Variants in SYNPR observed in about 807,000 individuals in gnomAD.
The protein encoded by SYNPR is synaptoporin.
Under a neutral mutation model 32.9 loss-of-function variants are expected in SYNPR, and 23 were observed. That is an observed-to-expected ratio of 0.70 (90% CI 0.50 to 0.99). The LOEUF (loss-of-function observed/expected upper bound fraction) is 0.99. Among genes scored for constraint, SYNPR ranks in the 50% least tolerant of loss-of-function variants. SYNPR has a pLI of 0.00. For synonymous variants in SYNPR, 146 were observed against 135.9 expected (o/e 1.07, Z -0.52); for missense variants, 318 against 349.3 (o/e 0.91, Z 0.71).
chr3:63,443,446 A>C, intron 2 of SYNPR: 1 of 1,607,400 alleles, frequency 6.2e-7, no homozygotes, highest in Non-Finnish European at 8.5e-7. Context: ...TCTTTTGTAA[A>C]TGTGTATGGT....
chr3:63,284,551 C>T (rs73117577), intron 2 of SYNPR, among the ~76,000 whole-genome samples: 7,233 of 152,258 alleles, frequency 0.048, 239 homozygotes, highest in Middle Eastern at 0.095. Flanking sequence ...CTAACCAAGG[C>T]GGCCAGTGAA....
chr3:63,331,329 C>T (rs1445560452), intron 2 of SYNPR, among the ~76,000 whole-genome samples: 1 of 152,134 alleles, frequency 6.6e-6, no homozygotes, highest in African/African-American at 2.4e-5. Flanking sequence ...AAGGCAGCCA[C>T]AAATAAATGC....
intron 2 of SYNPR, chr3:63,330,277 T>C (rs1208253492): frequency 1.3e-5 from 2 of 152,188 alleles, no homozygotes; most frequent in Non-Finnish European, 2.9e-5. Flanking sequence ...AGGACAGACC[T>C]CTACATGTGA....
At chr3:63,575,918 T>A (rs1022286570) in intron 4 of SYNPR, among the ~76,000 whole-genome samples, 1 of 152,220 alleles carries the variant, frequency 6.6e-6, no homozygotes, top group Non-Finnish European at 1.5e-5. Context: ...CTAAACCAAC[T>A]GTTTATAATC....
At chr3:63,410,583 G>A (rs1172479273) in intron 2 of SYNPR, among the ~76,000 whole-genome samples, 2 of 152,128 alleles carry the variant, frequency 1.3e-5, no homozygotes, top group Non-Finnish European at 2.9e-5. Context: ...TTTCCCTCAT[G>A]TTTGTGTCTG....
intron 2 of SYNPR, among the ~76,000 whole-genome samples, chr3:63,340,670 C>A (rs1397868303): frequency 6.6e-6 from 1 of 152,070 alleles, no homozygotes; most frequent in African/African-American, 2.4e-5. Context: ...CTGCCCGCCT[C>A]GGCCTCCCAA....
chr3:63,201,483 T>G, the SYNPR span, among the ~76,000 whole-genome samples: 1 of 152,138 alleles, frequency 6.6e-6, no homozygotes, highest in Non-Finnish European at 1.5e-5. Flanking sequence ...CTTCCATAAA[T>G]GCATTAATAA....
rs569407419 is a variant in SYNPR at position 63,458,862 on chromosome 3, T to G, written c.85-21970T>G. 3.9e-5 allele frequency among the ~76,000 whole-genome samples: 6 copies of G among 152,186 alleles called. No homozygotes were observed. In the East Asian group the frequency reaches 9.7e-4, roughly 25 times the overall value. Reference sequence around the variant, plus strand: ...TGTCTCTCTTTCCTTGTAACCTATTTCTGTCAGTAAAAAGTGTCATTTTCC... The same window carrying G: ...TGTCTCTCTTTCCTTGTAACCTATTGCTGTCAGTAAAAAGTGTCATTTTCC... On this transcript the variant is annotated intron_variant, in intron 2 of 5. Transcript: ENST00000478300.
chr3:63,352,310 G>A (rs897502349), intron 2 of SYNPR, among the ~76,000 whole-genome samples: 4 of 152,114 alleles, frequency 2.6e-5, no homozygotes, highest in Non-Finnish European at 5.9e-5. Flanking sequence ...TTCTCGAAGT[G>A]AATAAAAGAA....
chr3:63,602,613 C>T (rs1398208336), intron 4 of SYNPR, among the ~76,000 whole-genome samples: 1 of 152,142 alleles, frequency 6.6e-6, no homozygotes, highest in Non-Finnish European at 1.5e-5. Flanking sequence ...GTTCTTTCCT[C>T]ATTCCTTGCT....
intron 4 of SYNPR, among the ~76,000 whole-genome samples, chr3:63,585,474 CCA>C (rs1294208248): frequency 1.3e-5 from 2 of 150,722 alleles, no homozygotes; most frequent in Non-Finnish European, 3.0e-5. Context: ...CCCGCACCCA[CCA>C]CACACACACA....
At chr3:63,610,675 T>C (rs1236752674) in intron 5 of SYNPR, 1 of 456,168 alleles carries the variant, frequency 2.2e-6, no homozygotes, top group Admixed American at 3.7e-5. Context: ...CTTATACTTC[T>C]GTAGTTTGTT....
intron 4 of SYNPR, among the ~76,000 whole-genome samples, chr3:63,582,533 A>G (rs1184320904): frequency 6.6e-6 from 1 of 152,118 alleles, no homozygotes; most frequent in Non-Finnish European, 1.5e-5. Context: ...GCTGATATTC[A>G]GCTCCATGGT....
intron 2 of SYNPR, among the ~76,000 whole-genome samples, chr3:63,420,318 A>G: frequency 6.6e-6 from 1 of 152,232 alleles, no homozygotes; most frequent in Non-Finnish European, 1.5e-5. Context: ...TATGAGGCTT[A>G]TAGCAAGGAT....
At position 63,455,934 on chromosome 3, in the gene SYNPR, A is replaced by C. The variant is rs115823409; in HGVS notation, c.85-24898A>C. Among the ~76,000 whole-genome samples, 1,474 of 152,160 alleles carry C rather than the reference A, an allele frequency of 9.7e-3. 28 individuals carry two copies. The highest frequency in any genetic ancestry group is 0.034 in the African/African-American group (1,413 of 41,526). ...ACTGCTGATAAAGACCTTCCACAAG[A>C]CTTGGCAATTTGCAAAAGAAAGAGG... On this transcript the variant is annotated intron_variant, in intron 2 of 5. Transcript: ENST00000478300.
chr3:63,245,035 T>G (rs2086273974), intron 1 of SYNPR, among the ~76,000 whole-genome samples: 1 of 152,118 alleles, frequency 6.6e-6, no homozygotes, highest in African/African-American at 2.4e-5. Context: ...AAGAAAGACG[T>G]TTTCTGCCAT....
At chr3:63,582,208 G>A (rs547113340) in intron 4 of SYNPR, among the ~76,000 whole-genome samples, 2 of 152,080 alleles carry the variant, frequency 1.3e-5, no homozygotes, top group Admixed American at 6.6e-5. Context: ...AGCACTTAAC[G>A]GGGGAGCTCT....
chr3:63,499,371 A>G (rs1701435306), intron 3 of SYNPR, among the ~76,000 whole-genome samples: 1 of 152,232 alleles, frequency 6.6e-6, no homozygotes, highest in Admixed American at 6.5e-5. Flanking sequence ...TTTTTTTCTT[A>G]ATAAATGAGG....
chr3:63,273,671 G>C (rs924910902), upstream of SYNPR, among the ~76,000 whole-genome samples: 1 of 151,972 alleles, frequency 6.6e-6, no homozygotes, highest in African/African-American at 2.4e-5. Context: ...GTTCACATTG[G>C]CCATCCATAT....
Sources: allele counts gnomAD v4.1 joint callset (sites outside exome capture counted in the v4.1 genomes callset), GRCh38; gene constraint gnomAD v4.1.1; transcripts MANE v1.5; gene names NCBI Gene and HGNC (gene_info 2026-07-23, HGNC 2026-07-21).